Variants in VPS13B observed in about 807,000 individuals in gnomAD.
VPS13B encodes intermembrane lipid transfer protein VPS13B.
A neutral mutation model predicts 426.4 loss-of-function variants in VPS13B; 285 were observed. The observed-to-expected ratio is 0.67, with a 90% CI of 0.61 to 0.74. The LOEUF is 0.74. VPS13B is among the 30% of genes least tolerant of loss of function. The pLI, the probability that VPS13B is intolerant of heterozygous loss-of-function variation, is 0.00. For synonymous variants in VPS13B, 1,676 were observed against 1,676.4 expected (o/e 1.00, Z 0.01); for missense variants, 4,537 against 4,782.6 (o/e 0.95, Z 1.51).
intron 20 of VPS13B, among the ~76,000 whole-genome samples, chr8:99,387,753 T>C (rs186501179): frequency 6.6e-6 from 1 of 151,882 alleles, no homozygotes; most frequent in Admixed American, 6.6e-5. Context: ...ATCTGTTAGG[T>C]GAAAAAAAAA....
chr8:99,712,475 C>T (rs903880531), intron 36 of VPS13B, among the ~76,000 whole-genome samples: 23 of 152,320 alleles, frequency 1.5e-4, no homozygotes, highest in East Asian at 3.9e-4. Context: ...GACTATTTCC[C>T]GGCAAACCAG....
chr8:99,262,418 A>C (rs1232262768), intron 17 of VPS13B, among the ~76,000 whole-genome samples: 1 of 152,148 alleles, frequency 6.6e-6, no homozygotes, highest in African/African-American at 2.4e-5. Flanking sequence ...GGAGATTTTT[A>C]CAGTCTTTGT....
intron 7 of VPS13B, chr8:99,120,650 A>G (rs1259718309): frequency 6.6e-6 from 1 of 152,382 alleles, no homozygotes; most frequent in Admixed American, 6.5e-5. Flanking sequence ...TTTTATTCTA[A>G]TATTTGCTTT....
At chr8:99,257,989 A>G (rs945488651) in intron 17 of VPS13B, among the ~76,000 whole-genome samples, 1 of 151,982 alleles carries the variant, frequency 6.6e-6, no homozygotes, top group African/African-American at 2.4e-5. Context: ...AAATTAACTA[A>G]TATGAGAAGC....
chr8:99,118,150 T>C (rs1847764432), intron 7 of VPS13B, among the ~76,000 whole-genome samples: 1 of 152,192 alleles, frequency 6.6e-6, no homozygotes, highest in Non-Finnish European at 1.5e-5. Context: ...TTGACAAATT[T>C]CAAATATATG....
intron 29 of VPS13B, among the ~76,000 whole-genome samples, chr8:99,515,752 C>T (rs1028275857): frequency 2.0e-5 from 3 of 151,914 alleles, no homozygotes; most frequent in South Asian, 2.1e-4. Flanking sequence ...GATTCCATAC[C>T]TTTAAAATAG....
chr8:99,304,509 AATATT>A (rs2133080759), intron 19 of VPS13B, among the ~76,000 whole-genome samples: 1 of 152,234 alleles, frequency 6.6e-6, no homozygotes, highest in East Asian at 1.9e-4. Context: ...GTAAAGATGA[AATATT>A]AAATTTGTGC....
intron 21 of VPS13B, among the ~76,000 whole-genome samples, chr8:99,416,661 G>A (rs922154893): frequency 6.6e-5 from 10 of 152,126 alleles, no homozygotes; most frequent in African/African-American, 2.4e-4. Context: ...GCTTCCCTTG[G>A]TTAGGGGAGG....
At chr8:99,839,615 G>A (rs1385997629) in intron 54 of VPS13B, among the ~76,000 whole-genome samples, 1 of 152,196 alleles carries the variant, frequency 6.6e-6, no homozygotes, top group Non-Finnish European at 1.5e-5. Flanking sequence ...CTGCTCCCAT[G>A]TGGTCTAGTC....
At chr8:99,289,625 C>T (rs978588245) in intron 19 of VPS13B, among the ~76,000 whole-genome samples, 14 of 151,858 alleles carry the variant, frequency 9.2e-5, no homozygotes, top group African/African-American at 2.7e-4. Context: ...CTGTAGTTGA[C>T]GAAAAGCAAG....
intron 34 of VPS13B, among the ~76,000 whole-genome samples, chr8:99,643,503 A>G (rs1829453132): frequency 6.6e-6 from 1 of 152,128 alleles, no homozygotes; most frequent in Admixed American, 6.6e-5. Flanking sequence ...GGATCAAAGG[A>G]GCTCTAGGCC....
chr8:99,344,218 C>G (rs959684159), intron 19 of VPS13B, among the ~76,000 whole-genome samples: 1 of 152,118 alleles, frequency 6.6e-6, no homozygotes. Context: ...AAAGGATAGT[C>G]TCTTCATTAA....
intron 36 of VPS13B, among the ~76,000 whole-genome samples, chr8:99,716,809 T>C (rs1471018945): frequency 6.6e-6 from 1 of 152,104 alleles, no homozygotes; most frequent in Non-Finnish European, 1.5e-5. Flanking sequence ...TCACAGAAAA[T>C]TACCCTTTCC....
chr8:99,688,835 G>A (rs749172792), intron 35 of VPS13B, among the ~76,000 whole-genome samples: 2 of 151,976 alleles, frequency 1.3e-5, no homozygotes, highest in Admixed American at 6.5e-5. Flanking sequence ...AGGTACAGAA[G>A]CTTATATATC....
intron 34 of VPS13B, 97 bp downstream of exon 34, chr8:99,642,595 A>G: frequency 9.0e-7 from 1 of 1,108,890 alleles, no homozygotes. Flanking sequence ...CAGCTGGCAG[A>G]CAAAAGTCTT....
chr8:99,540,807 G>C (rs901869443), intron 30 of VPS13B, among the ~76,000 whole-genome samples: 1 of 152,010 alleles, frequency 6.6e-6, no homozygotes, highest in African/African-American at 2.4e-5. Flanking sequence ...TAATTGTTCT[G>C]TGGATTTTTA....
At chr8:99,427,222 G>A (rs1209536417) in intron 21 of VPS13B, among the ~76,000 whole-genome samples, 2 of 85,132 alleles carry the variant, frequency 2.3e-5, no homozygotes, top group African/African-American at 9.7e-5. Flanking sequence ...TCAGATAGTT[G>A]TAGGTATGCG....
At chr8:99,659,675 T>G (rs1452976323) in intron 34 of VPS13B, among the ~76,000 whole-genome samples, 1 of 152,220 alleles carries the variant, frequency 6.6e-6, no homozygotes, top group African/African-American at 2.4e-5. Context: ...CTTGTTTTAC[T>G]TATCCTAAGT....
chr8:99,377,642 C>G (rs894895793), intron 19 of VPS13B, among the ~76,000 whole-genome samples: 6 of 152,192 alleles, frequency 3.9e-5, no homozygotes, highest in Non-Finnish European at 8.8e-5. Context: ...AACGTAGGTT[C>G]TTTTCTATTT....
Sources: allele counts gnomAD v4.1 joint callset (sites outside exome capture counted in the v4.1 genomes callset), GRCh38; gene constraint gnomAD v4.1.1; transcripts MANE v1.5; gene names NCBI Gene and HGNC (gene_info 2026-07-23, HGNC 2026-07-21).